Variants in YAP1 observed in about 807,000 individuals in gnomAD.
YAP1 encodes Yes1 associated transcriptional regulator.
Under a neutral mutation model 56.9 loss-of-function variants are expected in YAP1, and 5 were observed. That is an observed-to-expected ratio of 0.09 (90% CI 0.05 to 0.18). YAP1 has a LOEUF of 0.18. Among genes scored for constraint, YAP1 ranks in the 10% least tolerant of loss-of-function variants. The pLI is 1.00. For synonymous variants in YAP1, 265 were observed against 248.1 expected (o/e 1.07, Z -0.64); for missense variants, 539 against 651.8 (o/e 0.83, Z 1.88).
intron 8 of YAP1, 74 bp from the exon 9 acceptor site, chr11:102,229,628 T>C: frequency 7.2e-7 from 1 of 1,396,486 alleles, no homozygotes; most frequent in South Asian, 1.3e-5. Context: ...TGTGCATTTC[T>C]CTGTGCTCAT....
At chr11:102,118,443 C>G (rs1022673600) in intron 2 of YAP1, among the ~76,000 whole-genome samples, 27 of 144,620 alleles carry the variant, frequency 1.9e-4, no homozygotes, top group African/African-American at 6.6e-4. Flanking sequence ...TATACATAGG[C>G]TGATTCTTTT....
intron 3 of YAP1, among the ~76,000 whole-genome samples, chr11:102,167,642 G>T (rs1946682971): frequency 1.3e-5 from 2 of 152,180 alleles, no homozygotes; most frequent in African/African-American, 4.8e-5. Flanking sequence ...GCTGAGGCAG[G>T]AGAATCACTT....
intron 2 of YAP1, among the ~76,000 whole-genome samples, chr11:102,132,271 G>C (rs1332155012): frequency 6.6e-6 from 1 of 152,242 alleles, no homozygotes; most frequent in African/African-American, 2.4e-5. Flanking sequence ...CATTGGAGGA[G>C]TCAAAGACAG....
chr11:102,214,911 C>CCAT (rs1949585015), intron 6 of YAP1, among the ~76,000 whole-genome samples: 1 of 152,148 alleles, frequency 6.6e-6, no homozygotes, highest in Admixed American at 6.5e-5. Context: ...CACCAACCTG[C>CCAT]CATCCTGTTT....
chr11:102,187,062 G>A (rs1591361563), intron 4 of YAP1, among the ~76,000 whole-genome samples: 2 of 152,212 alleles, frequency 1.3e-5, no homozygotes, highest in South Asian at 2.1e-4. Flanking sequence ...CAACAACTGC[G>A]GGGCCCTCAC....
chr11:102,158,887 C>T (rs1294954007), intron 2 of YAP1, among the ~76,000 whole-genome samples: 1 of 152,122 alleles, frequency 6.6e-6, no homozygotes, highest in Non-Finnish European at 1.5e-5. Flanking sequence ...ATAAAACACA[C>T]AATCAAGAAT....
At chr11:102,211,625 A>G (rs1681483582) in intron 6 of YAP1, among the ~76,000 whole-genome samples, 1 of 152,178 alleles carries the variant, frequency 6.6e-6, no homozygotes, top group African/African-American at 2.4e-5. Flanking sequence ...AAGCATGTGT[A>G]TATTTTTCTC....
intron 2 of YAP1, among the ~76,000 whole-genome samples, chr11:102,138,413 G>A (rs1380900406): frequency 4.6e-5 from 7 of 152,138 alleles, no homozygotes; most frequent in African/African-American, 1.7e-4. Flanking sequence ...CAGCTCATCT[G>A]GGCCTTTCTT....
At chr11:102,115,163 T>C (rs1312102800) in intron 2 of YAP1, among the ~76,000 whole-genome samples, 1 of 152,206 alleles carries the variant, frequency 6.6e-6, no homozygotes, top group East Asian at 1.9e-4. Flanking sequence ...TCCTCTGATT[T>C]TGAAATTACA....
At chr11:102,174,828 C>G (rs1947142676) in intron 3 of YAP1, among the ~76,000 whole-genome samples, 2 of 152,132 alleles carry the variant, frequency 1.3e-5, no homozygotes, top group African/African-American at 4.8e-5. Flanking sequence ...AGGGAGGCAT[C>G]TGCTATAAAG....
At position 102,112,030 on chromosome 11, in the gene YAP1, A is replaced by G. The variant is rs890748240; in HGVS notation, c.321+861A>G. 2.6e-5 allele frequency among the ~76,000 whole-genome samples: 4 copies of G among 152,178 alleles called. No individual in the cohort carries two copies. The South Asian group carries it at 8.3e-4, about 32-fold the overall frequency. On this transcript the variant is annotated intron_variant, in intron 1 of 8. Transcript: ENST00000282441. ...GGTCGCGTGTTGGTTTCCCAGTTGT[A>G]GACTATTATTTACAGTCGGCTGAAA...
intron 4 of YAP1, among the ~76,000 whole-genome samples, chr11:102,188,035 A>G (rs1948074239): frequency 6.6e-6 from 1 of 152,254 alleles, no homozygotes; most frequent in Non-Finnish European, 1.5e-5. Flanking sequence ...GGGGCAGGAA[A>G]GAAAAAAACG....
chr11:102,118,972 A>G (rs895768797), intron 2 of YAP1, among the ~76,000 whole-genome samples: 2 of 152,064 alleles, frequency 1.3e-5, no homozygotes, highest in Non-Finnish European at 2.9e-5. Flanking sequence ...TAATTTTGCC[A>G]TTAAATGTTA....
chr11:102,205,145 T>C (rs901664019), intron 4 of YAP1, among the ~76,000 whole-genome samples: 2 of 122,978 alleles, frequency 1.6e-5, no homozygotes, highest in Admixed American at 9.4e-5. Context: ...TATTACAGCT[T>C]CAAAAAAAAA....
intron 6 of YAP1, among the ~76,000 whole-genome samples, chr11:102,223,082 A>AAACCCCTCTACT (rs1950021986): frequency 3.1e-5 from 2 of 64,966 alleles, no homozygotes; most frequent in Non-Finnish European, 3.4e-5. Flanking sequence ...CGTCTCTACT[A>AAACCCCTCTACT]AAAAAAATAC....
At chr11:102,141,413 T>C (rs1945016083) in intron 2 of YAP1, among the ~76,000 whole-genome samples, 1 of 152,212 alleles carries the variant, frequency 6.6e-6, no homozygotes. Flanking sequence ...TTGAGAGCAA[T>C]GCAGTCCCTG....
chr11:102,170,881 A>G (rs1946861512), intron 3 of YAP1, among the ~76,000 whole-genome samples: 1 of 151,910 alleles, frequency 6.6e-6, no homozygotes, highest in Non-Finnish European at 1.5e-5. Context: ...AGACAGGAGA[A>G]TCGTTTGAAC....
At chr11:102,210,474 C>T (rs1949343192) in intron 6 of YAP1, among the ~76,000 whole-genome samples, 1 of 152,196 alleles carries the variant, frequency 6.6e-6, no homozygotes, top group Non-Finnish European at 1.5e-5. Context: ...AAGTCAGATA[C>T]AGTCTTCATA....
intron 3 of YAP1, among the ~76,000 whole-genome samples, chr11:102,170,126 G>A (rs1946824238): frequency 6.6e-6 from 1 of 152,184 alleles, no homozygotes. Flanking sequence ...GATGCCACTC[G>A]TGTCAGGGCA....
Sources: allele counts gnomAD v4.1 joint callset (sites outside exome capture counted in the v4.1 genomes callset), GRCh38; gene constraint gnomAD v4.1.1; transcripts MANE v1.5; gene names NCBI Gene and HGNC (gene_info 2026-07-23, HGNC 2026-07-21).